The following COLGALT2 variants were observed in gnomAD, a reference collection of about 807,000 sequenced individuals.
COLGALT2 encodes procollagen galactosyltransferase 2.
In COLGALT2, 49 loss-of-function variants were observed where a neutral mutation model predicts 73.4. The observed-to-expected ratio is 0.67, with a 90% CI of 0.53 to 0.85. The LOEUF is 0.85. Among genes scored for constraint, COLGALT2 ranks in the 40% least tolerant of loss-of-function variants. COLGALT2 has a pLI of 0.00. For missense variants in COLGALT2, 722 were observed against 790.2 expected (o/e 0.91, Z 1.03); for synonymous variants, 295 against 307.6 (o/e 0.96, Z 0.43).
At chr1:184,031,412 T>C (rs1160516178) in intron 1 of COLGALT2, among the ~76,000 whole-genome samples, 1 of 152,180 alleles carries the variant, frequency 6.6e-6, no homozygotes, top group African/African-American at 2.4e-5. Flanking sequence ...CACTAAAAAG[T>C]GCCTGAACTA....
Position 183,975,164 on chromosome 1 carries a change from G to A in COLGALT2, c.425C>T (p.Ala142Val), listed in dbSNP as rs753051592. ...TGCCTGTCGTAGTTTCATCACATGG[G>A]CAAACCGGGAGGTTGGCCAGTGCTT... is the stretch of plus-strand genomic sequence containing the variant. Reference protein sequence around the residue: ...GPKHWPTSRFAHVMKLRQAAL... With the variant: ...GPKHWPTSRFVHVMKLRQAAL... Residue 142 changes from alanine to valine, a missense_variant, in exon 3 of 12, where the codon GCC (alanine) becomes GTC (valine). By Grantham distance (64) the Ala-to-Val change is moderately conservative. Coordinates refer to ENST00000361927, the MANE Select transcript of COLGALT2 (RefSeq NM_015101.4). 24 of 1,614,030 alleles carry A rather than the reference G, an allele frequency of 1.5e-5. No individual in the cohort carries two copies. In the East Asian group the frequency reaches 4.7e-4, roughly 31 times the overall value.
intron 1 of COLGALT2, among the ~76,000 whole-genome samples, chr1:184,003,615 C>T (rs185197172): frequency 6.6e-6 from 1 of 152,232 alleles, no homozygotes; most frequent in East Asian, 1.9e-4. Flanking sequence ...TTATGAATTT[C>T]CAAATCACAG....
chr1:184,005,049 A>G (rs1672033633), intron 1 of COLGALT2, among the ~76,000 whole-genome samples: 1 of 152,236 alleles, frequency 6.6e-6, no homozygotes. Context: ...CTGAAAACAG[A>G]GGCATGATGG....
intron 6 of COLGALT2, among the ~76,000 whole-genome samples, chr1:183,962,161 T>TC (rs201481620): frequency 6.3e-5 from 8 of 126,202 alleles, no homozygotes; most frequent in African/African-American, 2.6e-4. Flanking sequence ...TTTCTTTTTT[T>TC]TTTTTTTTTT....
At position 183,930,760 on chromosome 1, in the gene COLGALT2, C is replaced by T. The variant is rs374824546; in HGVS notation, c.1605-471G>A. 5.3e-5 allele frequency among the ~76,000 whole-genome samples: 8 copies of T among 151,968 alleles called. No homozygotes were observed. The South Asian group carries it at 1.7e-3, about 32-fold the overall frequency. ...TAATTTTTAACATACAGTCACTCACCAACAATTTATTTTCTTCTGATGTGG... is the reference window on the plus strand; with the variant it reads ...TAATTTTTAACATACAGTCACTCACTAACAATTTATTTTCTTCTGATGTGG... On this transcript the variant is annotated intron_variant, in intron 11 of 11. Transcript: ENST00000649786.
At chr1:183,994,981 C>T (rs1028020781) in intron 1 of COLGALT2, among the ~76,000 whole-genome samples, 1 of 152,006 alleles carries the variant, frequency 6.6e-6, no homozygotes, top group Admixed American at 6.5e-5. Context: ...CTTTTGAAAC[C>T]CTTCAGCTAT....
At chr1:183,935,381 GT>G (rs1300361732), downstream of COLGALT2, among the ~76,000 whole-genome samples, 5 of 152,352 alleles carry the variant, frequency 3.3e-5, no homozygotes, top group African/African-American at 1.2e-4. Flanking sequence ...TCACAGCCTG[GT>G]TTTTGAGATT....
At chr1:183,977,808 GAGAA>G (rs202189688) in intron 2 of COLGALT2, among the ~76,000 whole-genome samples, 66,783 of 118,192 alleles carry the variant, frequency 0.57, 20,947 homozygotes, top group Non-Finnish European at 0.73. Context: ...GAAGGAAAGA[GAGAA>G]AGAGAGAGAG....
intron 1 of COLGALT2, among the ~76,000 whole-genome samples, chr1:183,997,228 A>C (rs1249338602): frequency 1.3e-5 from 2 of 152,188 alleles, no homozygotes; most frequent in African/African-American, 4.8e-5. Context: ...GATTCCCCCC[A>C]CAGTATTCTG....
intron 4 of COLGALT2, 127 bp downstream of exon 4, chr1:183,973,489 G>C (rs1163768065): frequency 1.6e-6 from 2 of 1,216,170 alleles, no homozygotes. Flanking sequence ...AAAAATGCTT[G>C]CTCTGGGAAC....
At chr1:183,987,924 T>C (rs776259877) in intron 1 of COLGALT2, among the ~76,000 whole-genome samples, 1 of 152,170 alleles carries the variant, frequency 6.6e-6, no homozygotes, top group Non-Finnish European at 1.5e-5. Context: ...TGTACAAACT[T>C]TTAGGCTGAA....
intron 4 of COLGALT2, among the ~76,000 whole-genome samples, chr1:183,972,614 C>T (rs1042889343): frequency 2.6e-5 from 4 of 151,716 alleles, no homozygotes; most frequent in African/African-American, 9.7e-5. Context: ...ATAAAAATAA[C>T]CTACCATGGT....
At chr1:184,026,784 A>G (rs1308605109) in intron 1 of COLGALT2, among the ~76,000 whole-genome samples, 1 of 152,172 alleles carries the variant, frequency 6.6e-6, no homozygotes, top group Non-Finnish European at 1.5e-5. Context: ...AAACAAAGAA[A>G]CCAAGATTAG....
At chr1:183,995,950 C>T (rs939832093) in intron 1 of COLGALT2, among the ~76,000 whole-genome samples, 6 of 152,238 alleles carry the variant, frequency 3.9e-5, no homozygotes, top group East Asian at 1.9e-4. Flanking sequence ...AACTGTAATA[C>T]GTGTTTTTAA....
intron 4 of COLGALT2, 131 bp downstream of exon 4, chr1:183,973,485 G>A (rs1671104968): frequency 1.7e-6 from 2 of 1,155,732 alleles, no homozygotes; most frequent in Admixed American, 4.5e-5. Flanking sequence ...CCTAAAAAAT[G>A]CTTGCTCTGG....
intron 1 of COLGALT2, among the ~76,000 whole-genome samples, chr1:183,989,224 T>G (rs1447957729): frequency 6.6e-6 from 1 of 152,176 alleles, no homozygotes; most frequent in Non-Finnish European, 1.5e-5. Context: ...GCGTGGGCAG[T>G]TGCAAGGAAG....
chr1:183,955,053 A>G (rs1670515446), intron 6 of COLGALT2, among the ~76,000 whole-genome samples: 1 of 152,160 alleles, frequency 6.6e-6, no homozygotes, highest in African/African-American at 2.4e-5. Flanking sequence ...AGATTGCAAC[A>G]TTTGCTCCAC....
intron 1 of COLGALT2, among the ~76,000 whole-genome samples, chr1:183,996,511 T>C (rs1474046174): frequency 6.6e-6 from 1 of 152,144 alleles, no homozygotes; most frequent in East Asian, 1.9e-4. Context: ...ACTCTGGAGC[T>C]CTGAAAAGGG....
At chr1:183,950,861 A>AT (rs1223174364) in intron 8 of COLGALT2, 146 bp downstream of exon 8, 13 of 606,648 alleles carry the variant, frequency 2.1e-5, no homozygotes, top group Non-Finnish European at 3.6e-5. Flanking sequence ...ATTAACTTAA[A>AT]TGCTACTACA....
Sources: allele counts gnomAD v4.1 joint callset (sites outside exome capture counted in the v4.1 genomes callset), GRCh38; gene constraint gnomAD v4.1.1; transcripts MANE v1.5; gene names NCBI Gene and HGNC (gene_info 2026-07-23, HGNC 2026-07-21).